The following DLC1 variants were observed in gnomAD, a reference collection of about 807,000 sequenced individuals.
DLC1 encodes the protein rho GTPase-activating protein 7.
DLC1 carries 54 observed loss-of-function variants against 140.3 expected under a neutral mutation model. The observed-to-expected ratio is 0.38, with a 90% confidence interval of 0.31 to 0.48. DLC1 has a LOEUF of 0.48. Ranked by LOEUF, DLC1 falls within the 20% of genes least tolerant of loss-of-function variation. DLC1 has a pLI of 0.96. For missense variants in DLC1, 2,536 were observed against 1,907.0 expected, an observed-to-expected ratio of 1.33 and a Z score of -6.14; for synonymous variants, 986 against 728.1, an observed-to-expected ratio of 1.35 and a Z score of -5.70.
chr8:13,256,636 CA>C (rs1330091219), intron 5 of DLC1, among the ~76,000 whole-genome samples: 1 of 152,070 alleles, frequency 6.6e-6, no homozygotes, highest in Non-Finnish European at 1.5e-5. Context: ...GAAAACCAAA[CA>C]CTGCATATTC....
At chr8:13,156,489 C>G (rs1824267683) in intron 5 of DLC1, among the ~76,000 whole-genome samples, 1 of 152,178 alleles carries the variant, frequency 6.6e-6, no homozygotes, top group Admixed American at 6.5e-5. Flanking sequence ...CTCTTCTTTT[C>G]CTTCCCACCA....
At position 13,453,406 on chromosome 8, in the gene DLC1, AT is replaced by A. The variant is rs1799171258; in HGVS notation, c.1023+45642del. ...GCCCAGGATATATATATATATGTGT[AT>A]ATATATATATATATATGTGTATATA... On this transcript the variant is annotated intron_variant, in intron 2 of 17. Coordinates refer to ENST00000276297, the MANE Select transcript of DLC1 (RefSeq NM_182643.3). Among the ~76,000 whole-genome samples, 58 of 44,680 alleles carry A rather than the reference AT, an allele frequency of 1.3e-3. 5 individuals are homozygous for A. The highest frequency in any genetic ancestry group is 7.5e-3 in the African/African-American group (56 of 7,472). The allele number at this position is 44,680 out of a possible 152,430, so 29.3% of individuals were successfully genotyped here.
At chr8:13,573,224 A>G (rs925038748) in intron 1 of DLC1, among the ~76,000 whole-genome samples, 1 of 152,114 alleles carries the variant, frequency 6.6e-6, no homozygotes, top group South Asian at 2.1e-4. Context: ...TTTGGTTGCC[A>G]TTGTAAATTA....
intron 4 of DLC1, among the ~76,000 whole-genome samples, chr8:13,370,236 G>T (rs1368731821): frequency 6.6e-6 from 1 of 151,850 alleles, no homozygotes; most frequent in Non-Finnish European, 1.5e-5. Flanking sequence ...TATTTTGTTT[G>T]TTTTTTCTTC....
chr8:13,131,849 C>G (rs1480145676), intron 5 of DLC1, among the ~76,000 whole-genome samples: 1 of 152,220 alleles, frequency 6.6e-6, no homozygotes, highest in African/African-American at 2.4e-5. Context: ...CCAGCCTGAC[C>G]CCGTGTCCCC....
chr8:13,204,610 T>C (rs1827563529), intron 5 of DLC1, among the ~76,000 whole-genome samples: 1 of 152,230 alleles, frequency 6.6e-6, no homozygotes, highest in South Asian at 2.1e-4. Flanking sequence ...TTTATTGAGC[T>C]AAAGTCATGG....
chr8:13,119,126 G>A (rs928243623), intron 5 of DLC1, among the ~76,000 whole-genome samples: 1 of 151,832 alleles, frequency 6.6e-6, no homozygotes, highest in Admixed American at 6.6e-5. Flanking sequence ...CTACTTGAGG[G>A]GCTGAAGTGG....
chr8:13,438,434 A>G (rs1839219172), intron 2 of DLC1, among the ~76,000 whole-genome samples: 1 of 152,138 alleles, frequency 6.6e-6, no homozygotes, highest in African/African-American at 2.4e-5. Context: ...GTTTTGAAAA[A>G]AATAGCCAGA....
chr8:13,413,749 A>G (rs1185338675), intron 2 of DLC1, among the ~76,000 whole-genome samples: 1 of 152,098 alleles, frequency 6.6e-6, no homozygotes, highest in Non-Finnish European at 1.5e-5. Context: ...CCTAGTAAAG[A>G]AGGTACTTGC....
rs192291306 is a variant in DLC1 at position 13,146,199 on chromosome 8, C to T, written c.1349-30542G>A. 7.7e-4 allele frequency among the ~76,000 whole-genome samples: 117 copies of T among 151,360 alleles called. 1 individual carries two copies. The highest frequency in any genetic ancestry group is 2.4e-3 in the African/African-American group (99 of 41,182). On this transcript the variant is annotated intron_variant, in intron 5 of 17. Transcript: ENST00000276297. ...CTGAGGCAGGAGAATCACTTGAACC[C>T]GGGAGGTGGAGGCCGAAGTGAGACT...
rs190574427 is a variant in DLC1 at position 13,564,645 on chromosome 8, T to C, written c.-126+39892A>G. 3.4e-3 allele frequency among the ~76,000 whole-genome samples: 511 copies of C among 152,298 alleles called. 3 individuals are homozygous for C. Among genetic ancestry groups the C allele is most frequent in the African/African-American group, 0.012 (488 of 41,554 alleles). ...GTGACAGATGCTGAAAGTTTGCTTT[T>C]CTCCCTCCATAGGAAAGGAAAGCAA... On this transcript the variant is annotated intron_variant, in intron 1 of 1. Coordinates refer to the DLC1 transcript ENST00000631382.
intron 5 of DLC1, among the ~76,000 whole-genome samples, chr8:13,165,477 G>T (rs1370529268): frequency 1.3e-5 from 2 of 152,168 alleles, no homozygotes; most frequent in East Asian, 1.9e-4. Flanking sequence ...AAGTGCTCCA[G>T]ACCCAAAGTT....
intron 5 of DLC1, among the ~76,000 whole-genome samples, chr8:13,284,836 A>C (rs769015509): frequency 2.8e-4 from 43 of 152,318 alleles, no homozygotes; most frequent in Non-Finnish European, 5.7e-4. Context: ...TTTGTACAAA[A>C]ATTTGTACAC....
chr8:13,115,435 A>T, intron 6 of DLC1, 151 bp downstream of exon 6: 1 of 698,492 alleles, frequency 1.4e-6, no homozygotes, highest in South Asian at 2.6e-5. Flanking sequence ...TTTTGTTTTC[A>T]GCGGTGGGGG....
intron 1 of DLC1, among the ~76,000 whole-genome samples, chr8:13,547,865 C>G (rs1309555051): frequency 6.9e-6 from 1 of 145,038 alleles, no homozygotes; most frequent in Non-Finnish European, 1.5e-5. Context: ...TATCTTGCAC[C>G]CATTTCACGC....
intron 1 of DLC1, among the ~76,000 whole-genome samples, chr8:13,565,787 A>G (rs1317449711): frequency 6.6e-6 from 1 of 152,228 alleles, no homozygotes; most frequent in Admixed American, 6.5e-5. Flanking sequence ...CTCAAGAACT[A>G]TTATAACCTA....
At chr8:13,556,619 G>GC (rs1804054493) in intron 1 of DLC1, among the ~76,000 whole-genome samples, 2 of 152,122 alleles carry the variant, frequency 1.3e-5, no homozygotes, top group African/African-American at 4.8e-5. Context: ...CTGCTTCTCA[G>GC]GACAGACAAT....
At chr8:13,273,778 G>T (rs1263156091) in intron 5 of DLC1, among the ~76,000 whole-genome samples, 1 of 151,486 alleles carries the variant, frequency 6.6e-6, no homozygotes, top group Non-Finnish European at 1.5e-5. Context: ...GAGCAAGAGA[G>T]AGAGAGAGAA....
At chr8:13,357,862 A>G (rs1348521868) in intron 4 of DLC1, among the ~76,000 whole-genome samples, 1 of 152,198 alleles carries the variant, frequency 6.6e-6, no homozygotes, top group African/African-American at 2.4e-5. Flanking sequence ...TTTTCTGAAC[A>G]TGTAAAATTT....
Sources: gnomAD v4.1 joint callset for allele counts (sites outside exome capture counted in the v4.1 genomes callset) on GRCh38, gnomAD v4.1.1 for gene constraint, MANE v1.5 for transcripts, NCBI Gene and HGNC (gene_info 2026-07-23, HGNC 2026-07-21) for gene names.